Variants in PCDHGA10 observed in about 807,000 individuals in gnomAD.
PCDHGA10 encodes protocadherin gamma-A10.
In PCDHGA10, 42 loss-of-function variants were observed where a neutral mutation model predicts 59.5. That is an observed-to-expected ratio of 0.71 (90% CI 0.55 to 0.91). PCDHGA10 has a LOEUF of 0.91. Among genes scored for constraint, PCDHGA10 ranks in the 40% least tolerant of loss-of-function variants. PCDHGA10 has a pLI of 0.00. For missense variants in PCDHGA10, 1,111 were observed against 1,198.2 expected (o/e 0.93, Z 1.07); for synonymous variants, 511 against 517.2 (o/e 0.99, Z 0.16).
Position 141,431,818 on chromosome 5 carries a change from C to T in PCDHGA10, c.2436+16207C>T, listed in dbSNP as rs201311339. On this transcript the variant is annotated intron_variant, in intron 1 of 3. Coordinates refer to ENST00000398610, the MANE Select transcript of PCDHGA10 (RefSeq NM_018913.3). This position sits in a 1 kb window ranked among gnomAD's most constrained non-coding sequence, Gnocchi z 4.8. ...CAGAAGTGGTCCTCACCTCTCTCGCCAGCTCGGTTCCCGAAAACTCTCCCA... is the reference window on the plus strand; with the variant it reads ...CAGAAGTGGTCCTCACCTCTCTCGCTAGCTCGGTTCCCGAAAACTCTCCCA... 130 of 1,614,122 alleles carry T rather than the reference C, an allele frequency of 8.1e-5. No homozygotes were observed. Among genetic ancestry groups the T allele is most frequent in the Non-Finnish European group, 1.0e-4 (121 of 1,180,040 alleles).
At position 141,493,356 on chromosome 5, in the gene PCDHGA10, C is replaced by A. The variant is rs1303319550; in HGVS notation, c.2437-1451C>A. Among the ~76,000 whole-genome samples, 1 of 152,182 alleles carries A rather than the reference C, an allele frequency of 6.6e-6. No individual in the cohort carries two copies. The highest frequency in any genetic ancestry group is 2.4e-5 in the African/African-American group (1 of 41,438). On this transcript the variant is annotated intron_variant, in intron 1 of 3. Transcript: ENST00000398610. This position sits in a 1 kb window ranked among gnomAD's most constrained non-coding sequence, Gnocchi z 4.3. ...ACTCCAGAATGTGTGCTTTTAATTT[C>A]TTGGCACTTGGAACTTTAAAAGCTT...
At position 141,413,154 on chromosome 5, in the gene PCDHGA10, A is replaced by C. The variant is rs1308503780; in HGVS notation, c.-22A>C. 10 of 1,576,026 alleles carry C rather than the reference A, an allele frequency of 6.3e-6. No homozygotes were observed. In the South Asian group the frequency reaches 1.2e-4, roughly 18 times the overall value. ...ACAACGTGTCCAGTGAGGACTTTGC[A>C]GAATTCTGTAACCAGACTACAATGG... On this transcript the variant is annotated 5_prime_UTR_variant, in exon 1 of 4. Coordinates refer to ENST00000398610, the MANE Select transcript of PCDHGA10 (RefSeq NM_018913.3).
At chr5:141,418,603 G>A (rs769167342) in intron 1 of PCDHGA10, 7 of 1,613,902 alleles carry the variant, frequency 4.3e-6, no homozygotes, top group East Asian at 4.5e-5. Context: ...ACGTGTACAG[G>A]GTTAGCCTTC....
At position 141,491,891 on chromosome 5, in the gene PCDHGA10, G is replaced by T. The variant is rs1487484740; in HGVS notation, c.2437-2916G>T. On this transcript the variant is annotated intron_variant, in intron 1 of 3. Coordinates refer to ENST00000398610, the MANE Select transcript of PCDHGA10 (RefSeq NM_018913.3). This position sits in a 1 kb window ranked among gnomAD's most constrained non-coding sequence, Gnocchi z 6.9. ...GTGGCCGATTAAGGGATGGGGCTCC[G>T]AGCACCGGGGGTGGTGGCGACTGTG... 19 of 1,439,438 alleles carry T rather than the reference G, an allele frequency of 1.3e-5. No homozygotes were observed. The East Asian group carries it at 4.8e-4, about 36-fold the overall frequency. 89.2% of individuals were successfully genotyped at this position (1,439,438 alleles called of 1,614,324 possible). A position where few individuals can be genotyped will look rare whatever the true frequency, so the allele number is the denominator to read the frequency against.
At chr5:141,458,386 G>A (rs1037969327) in intron 1 of PCDHGA10, among the ~76,000 whole-genome samples, 3 of 152,188 alleles carry the variant, frequency 2.0e-5, no homozygotes, top group African/African-American at 4.8e-5. Context: ...GAAGGAAGAC[G>A]CTCCCCCTTG....
chr5:141,439,632 T>C (rs1335553818), intron 1 of PCDHGA10, among the ~76,000 whole-genome samples: 1 of 152,182 alleles, frequency 6.6e-6, no homozygotes, highest in Non-Finnish European at 1.5e-5. Context: ...TCCCCAGACA[T>C]TCCGGCTTGG....
chr5:141,455,580 T>G (rs572453788), intron 1 of PCDHGA10, among the ~76,000 whole-genome samples: 26 of 152,142 alleles, frequency 1.7e-4, no homozygotes, highest in Middle Eastern at 3.2e-3. Context: ...ACCCCAGCCT[T>G]TTAATATGCA....
At chr5:141,478,143 A>G (rs759384540) in intron 1 of PCDHGA10, 72 of 1,614,014 alleles carry the variant, frequency 4.5e-5, no homozygotes, top group Middle Eastern at 3.3e-4. Context: ...GCCCGAGCCG[A>G]GTTCCCCTCT....
chr5:141,427,931 G>T (rs1381637805), intron 1 of PCDHGA10: 3 of 1,583,646 alleles, frequency 1.9e-6, no homozygotes, highest in Non-Finnish European at 2.6e-6. Flanking sequence ...GGCGCATGTT[G>T]GTGGGCGACC....
chr5:141,476,820 T>C lies in PCDHGA10; in HGVS notation c.2437-17987T>C, dbSNP rs368919360. 6.2e-7 allele frequency: 1 copy of C among 1,613,594 alleles called. No individual in the cohort carries two copies. Among genetic ancestry groups the C allele is most frequent in the African/African-American group, 1.3e-5 (1 of 75,066 alleles). The stretch of plus-strand genomic sequence containing the variant: ...AGCCTGCCTATTCACATCAAGGTGC[T>C]GGACGCGAATGACAATGCGCCTGTC... On this transcript the variant is annotated intron_variant, in intron 1 of 3. Transcript: ENST00000398610. This position sits in a 1 kb window ranked among gnomAD's most constrained non-coding sequence, Gnocchi z 7.6.
chr5:141,452,252 C>T (rs868364679), intron 1 of PCDHGA10, among the ~76,000 whole-genome samples: 2 of 152,106 alleles, frequency 1.3e-5, no homozygotes, highest in Non-Finnish European at 2.9e-5. Context: ...TTTGCCATAA[C>T]TCTCTCATTT....
At position 141,489,861 on chromosome 5, in the gene PCDHGA10, A is replaced by G. The variant is rs1221756350; in HGVS notation, c.2437-4946A>G. The G allele has an allele frequency of 1.2e-5, 19 of 1,614,058 alleles. No individual in the cohort carries two copies. Among genetic ancestry groups the G allele is most frequent in the Non-Finnish European group, 1.5e-5 (18 of 1,179,998 alleles). On this transcript the variant is annotated intron_variant, in intron 1 of 3. Transcript: ENST00000398610. The surrounding 1 kb of genome is among the most constrained non-coding windows in gnomAD (Gnocchi z 4.5). ...AGCTGGATCGTGAAGCCCAGGCAAGACATCAGCTGGTGCTTACTGCTGTGG... is the reference window on the plus strand; with the variant it reads ...AGCTGGATCGTGAAGCCCAGGCAAGGCATCAGCTGGTGCTTACTGCTGTGG...
rs113648128 is a variant in PCDHGA10, at chr5:141,491,811, C to T, written c.2437-2996C>T. ...CACTCCTCTCCGGCCGGCTTGGTCG[C>T]TGGCTGCGCTCCACCCGATTCTCGG... On this transcript the variant is annotated intron_variant, in intron 1 of 3. Transcript: ENST00000398610. The surrounding 1 kb of genome is among the most constrained non-coding windows in gnomAD (Gnocchi z 6.9). 6.7e-7 allele frequency: 1 copy of T among 1,487,262 alleles called. No homozygotes were observed. The highest frequency in any genetic ancestry group is 1.4e-5 in the African/African-American group (1 of 70,544). 92.1% of individuals were successfully genotyped at this position (1,487,262 alleles called of 1,614,324 possible).
At chr5:141,422,420 C>A in intron 1 of PCDHGA10, 2 of 1,607,576 alleles carry the variant, frequency 1.2e-6, no homozygotes, top group Non-Finnish European at 1.7e-6. Context: ...TTAGAAAAGA[C>A]TTATGGAAAT....
At chr5:141,456,984 C>T (rs374156327) in intron 1 of PCDHGA10, among the ~76,000 whole-genome samples, 1 of 152,082 alleles carries the variant, frequency 6.6e-6, no homozygotes, top group Admixed American at 6.6e-5. Flanking sequence ...AACAAACAAA[C>T]AAACAAAAAC....
At chr5:141,446,831 T>C (rs1237079019) in intron 1 of PCDHGA10, among the ~76,000 whole-genome samples, 2 of 152,186 alleles carry the variant, frequency 1.3e-5, no homozygotes, top group East Asian at 3.9e-4. Context: ...TAGATCCTTA[T>C]AAGGCTGAGC....
Position 141,487,373 on chromosome 5 carries a change from C to T in PCDHGA10, c.2437-7434C>T. 2 of 1,614,224 alleles carry T rather than the reference C, an allele frequency of 1.2e-6. No homozygotes were observed. Among genetic ancestry groups the T allele is most frequent in the Non-Finnish European group, 1.7e-6 (2 of 1,180,042 alleles). On this transcript the variant is annotated intron_variant, in intron 1 of 3. Transcript: ENST00000398610. This position sits in a 1 kb window ranked among gnomAD's most constrained non-coding sequence, Gnocchi z 5.0. ...CTTTCCTGCTGGCACCTGTGCCTGTCTCACCAGATCTCGAAGGAGGGAGGG... is the reference window on the plus strand; with the variant it reads ...CTTTCCTGCTGGCACCTGTGCCTGTTTCACCAGATCTCGAAGGAGGGAGGG...
rs763303627 is a variant in PCDHGA10 at position 141,489,719 on chromosome 5, C to T, written c.2437-5088C>T. The T allele has an allele frequency of 1.4e-5, 22 of 1,613,946 alleles. No homozygotes were observed. The highest frequency in any genetic ancestry group is 9.3e-5 in the African/African-American group (7 of 74,924). On this transcript the variant is annotated intron_variant, in intron 1 of 3. Coordinates refer to ENST00000398610, the MANE Select transcript of PCDHGA10 (RefSeq NM_018913.3). The surrounding 1 kb of genome is among the most constrained non-coding windows in gnomAD (Gnocchi z 4.5). ...TTCCCACTGGACAGTGCCCAGGATCCGGATGTGGGCACCAATACTGTGAGC... is the reference window on the plus strand; with the variant it reads ...TTCCCACTGGACAGTGCCCAGGATCTGGATGTGGGCACCAATACTGTGAGC...
At position 141,450,006 on chromosome 5, in the gene PCDHGA10, C is replaced by CTAT. The variant is rs70988802; in HGVS notation, c.2436+34396_2436+34397insATT. ...CACATTGCATTTAGTTGCCATGTCT[C>CTAT]TTTTTTTTTTTTTTTTTTGAGACAG... On this transcript the variant is annotated intron_variant, in intron 1 of 3. Transcript: ENST00000398610. Among the ~76,000 whole-genome samples the CTAT allele has an allele frequency of 2.5e-4, 33 of 132,964 alleles. 6 individuals are homozygous for CTAT. Among genetic ancestry groups the CTAT allele is most frequent in the Non-Finnish European group, 2.9e-4 (18 of 62,916 alleles). The allele number at this position is 132,964 out of a possible 152,430, so 87.2% of individuals were successfully genotyped here. A position where few individuals can be genotyped will look rare whatever the true frequency, so the allele number is the denominator to read the frequency against.
Sources: gnomAD v4.1 joint callset for allele counts (sites outside exome capture counted in the v4.1 genomes callset) on GRCh38, gnomAD v4.1.1 for gene constraint, Gnocchi (gnomAD v3.1) non-coding constraint, MANE v1.5 for transcripts, NCBI Gene and HGNC (gene_info 2026-07-23, HGNC 2026-07-21) for gene names.